RIMS1: variants seen among roughly 807,000 people sequenced by gnomAD.
RIMS1 encodes the protein regulating synaptic membrane exocytosis protein 1.
Under a neutral mutation model 214.1 loss-of-function variants are expected in RIMS1, and 83 were observed. The observed-to-expected ratio is 0.39, with a 90% confidence interval of 0.32 to 0.47. The LOEUF is 0.47. Ranked by LOEUF, RIMS1 falls within the 20% of genes least tolerant of loss-of-function variation. RIMS1 has a pLI of 0.99. For synonymous variants in RIMS1, 793 were observed against 786.8 expected (o/e 1.01, Z -0.13); for missense variants, 2,050 against 2,161.8 (o/e 0.95, Z 1.03).
chr6:72,316,447 G>C (rs1348264462), intron 28 of RIMS1, among the ~76,000 whole-genome samples: 1 of 152,190 alleles, frequency 6.6e-6, no homozygotes, highest in African/African-American at 2.4e-5. Context: ...CACGCGTGGG[G>C]TAGTCCAATA....
At chr6:72,280,126 A>G (rs1019153547) in intron 23 of RIMS1, among the ~76,000 whole-genome samples, 6 of 151,918 alleles carry the variant, frequency 3.9e-5, no homozygotes, top group African/African-American at 1.4e-4. Context: ...TTGGGCTTTC[A>G]AATTTAATGA....
chr6:72,235,977 T>C (rs929692367), intron 8 of RIMS1, among the ~76,000 whole-genome samples: 3 of 152,144 alleles, frequency 2.0e-5, no homozygotes, highest in Admixed American at 6.6e-5. Flanking sequence ...ATGTGGACTT[T>C]TGTTGTAACT....
At chr6:72,331,123 T>A (rs576392267) in intron 28 of RIMS1, among the ~76,000 whole-genome samples, 3 of 151,896 alleles carry the variant, frequency 2.0e-5, no homozygotes, top group South Asian at 4.1e-4. Flanking sequence ...CTTTTGAATC[T>A]TCCCAGTTCA....
chr6:71,935,574 G>T (rs568495715), intron 1 of RIMS1, among the ~76,000 whole-genome samples: 1 of 152,154 alleles, frequency 6.6e-6, no homozygotes, highest in Non-Finnish European at 1.5e-5. Flanking sequence ...GAACAAAATA[G>T]CTTGTTCTTG....
intron 10 of RIMS1, among the ~76,000 whole-genome samples, chr6:72,245,299 G>A (rs967973977): frequency 4.6e-5 from 7 of 151,624 alleles, no homozygotes; most frequent in Admixed American, 3.9e-4. Context: ...CTTTTTTGTT[G>A]CAAGCTTGAA....
intron 1 of RIMS1, among the ~76,000 whole-genome samples, chr6:71,936,347 A>G (rs1374456121): frequency 6.0e-5 from 9 of 150,330 alleles, no homozygotes; most frequent in East Asian, 1.9e-4. Flanking sequence ...AAAAAAAAAA[A>G]AAAAAGAAAA....
intron 2 of RIMS1, among the ~76,000 whole-genome samples, chr6:72,058,812 G>A (rs1827069859): frequency 1.3e-5 from 2 of 152,120 alleles, no homozygotes; most frequent in Non-Finnish European, 2.9e-5. Flanking sequence ...CGGGAAAAAT[G>A]TTTTGCTTCA....
In RIMS1 at chr6:71,970,670, C is replaced by T. The variant is rs994722215; in HGVS notation, c.245+1607C>T. ...CCTGTGGCTCTTTGAGTTTAGTGGC[C>T]GAGAAGAAGCAACTATAGATTCTTT... On this transcript the variant is annotated intron_variant, in intron 2 of 33. Transcript: ENST00000521978. Among the ~76,000 whole-genome samples, 5 of 152,240 alleles carry T rather than the reference C, an allele frequency of 3.3e-5. No individual in the cohort carries two copies. The East Asian group carries it at 5.8e-4, about 18-fold the overall frequency.
intron 2 of RIMS1, among the ~76,000 whole-genome samples, chr6:71,983,833 T>C (rs1304463033): frequency 2.0e-5 from 3 of 152,240 alleles, no homozygotes; most frequent in Non-Finnish European, 4.4e-5. Flanking sequence ...CCATCTTGTA[T>C]ATTTAAAAGA....
At chr6:72,183,599 CT>C (rs2048676532) in intron 6 of RIMS1, among the ~76,000 whole-genome samples, 1 of 145,504 alleles carries the variant, frequency 6.9e-6, no homozygotes, top group East Asian at 2.0e-4. Flanking sequence ...TCAAATTAAC[CT>C]TTCTCACAAT....
intron 23 of RIMS1, among the ~76,000 whole-genome samples, chr6:72,282,583 T>G (rs188519953): frequency 1.7e-3 from 255 of 148,882 alleles, no homozygotes; most frequent in Non-Finnish European, 3.2e-3. Flanking sequence ...CTTTGCTGTA[T>G]AGTATAGAAC....
At chr6:72,034,211 G>A (rs771070423) in intron 2 of RIMS1, among the ~76,000 whole-genome samples, 1 of 152,052 alleles carries the variant, frequency 6.6e-6, no homozygotes, top group Non-Finnish European at 1.5e-5. Context: ...TTTTTATTAT[G>A]TCCCTAAAAC....
At chr6:71,996,441 A>G (rs1186429724) in intron 2 of RIMS1, among the ~76,000 whole-genome samples, 9 of 152,208 alleles carry the variant, frequency 5.9e-5, no homozygotes, top group Non-Finnish European at 1.3e-4. Context: ...TCAAATTTAT[A>G]ACTAGCAGAA....
chr6:72,187,664 A>G (rs2049355042), intron 6 of RIMS1, among the ~76,000 whole-genome samples: 1 of 151,598 alleles, frequency 6.6e-6, no homozygotes, highest in Non-Finnish European at 1.5e-5. Context: ...CAGCTAATTT[A>G]TGTATTTTTA....
chr6:72,195,622 G>C (rs562195772), intron 6 of RIMS1, among the ~76,000 whole-genome samples: 2 of 152,022 alleles, frequency 1.3e-5, no homozygotes, highest in South Asian at 4.1e-4. Context: ...TCCTTTAAAT[G>C]TAACTTATGC....
chr6:72,197,948 A>T (rs1374770872), intron 6 of RIMS1, among the ~76,000 whole-genome samples: 4 of 152,148 alleles, frequency 2.6e-5, no homozygotes, highest in Admixed American at 1.3e-4. Flanking sequence ...AAACCAGGTC[A>T]TATACAAAAA....
At chr6:72,370,043 A>T (rs2098166302) in intron 29 of RIMS1, among the ~76,000 whole-genome samples, 1 of 152,228 alleles carries the variant, frequency 6.6e-6, no homozygotes, top group South Asian at 2.1e-4. Flanking sequence ...AGGGAAAAAG[A>T]TTAAAGAGCT....
At position 72,237,912 on chromosome 6, in the gene RIMS1, C is replaced by T. The variant is rs752681556; in HGVS notation, c.1947C>T (p.His649=). The T allele has an allele frequency of 6.2e-7, 1 of 1,605,446 alleles. No homozygotes were observed. ...GTAGCCTAGCAGATGTAGTTGGACA[C>T]CTAAGAGCAGGTAAAGTTTCTTTTT... is the stretch of plus-strand genomic sequence containing the variant. The part of the protein sequence containing the change: ...KKGSLADVVG[H]LRAGDEVLEW... The change falls in exon 9 of 34, where the codon CAC becomes CAT. Residue 649 remains histidine, a synonymous_variant. Transcript: ENST00000521978.
chr6:72,132,035 C>G (rs574118780), intron 4 of RIMS1, among the ~76,000 whole-genome samples: 1 of 152,218 alleles, frequency 6.6e-6, no homozygotes, highest in African/African-American at 2.4e-5. Context: ...TGTTGTTATC[C>G]TGTTCTTTTT....
Sources: allele counts gnomAD v4.1 joint callset (sites outside exome capture counted in the v4.1 genomes callset), GRCh38; gene constraint gnomAD v4.1.1; transcripts MANE v1.5; gene names NCBI Gene and HGNC (gene_info 2026-07-23, HGNC 2026-07-21).